Variants in KCTD8 observed in about 807,000 individuals in gnomAD.
KCTD8 encodes BTB/POZ domain-containing protein KCTD8.
KCTD8 carries 27 observed loss-of-function variants against 31.5 expected under a neutral mutation model. That is an observed-to-expected ratio of 0.86 (90% confidence interval 0.63 to 1.18). The LOEUF (loss-of-function observed/expected upper bound fraction) is 1.18, where lower values mean the gene tolerates loss of function less well. Among genes scored for constraint, KCTD8 ranks in the 50% most tolerant of loss-of-function variants. The pLI is 0.00. For missense variants in KCTD8, 658 were observed against 647.7 expected, an observed-to-expected ratio of 1.02 and a Z score of -0.17; for synonymous variants, 290 against 280.0, an observed-to-expected ratio of 1.04 and a Z score of -0.36.
chr4:44,235,571 A>T (rs1451653093), intron 1 of KCTD8, among the ~76,000 whole-genome samples: 22 of 73,750 alleles, frequency 3.0e-4, no homozygotes, highest in African/African-American at 1.3e-3. Flanking sequence ...ATATATATAT[A>T]TATATTTAGA....
intron 1 of KCTD8, among the ~76,000 whole-genome samples, chr4:44,397,044 C>G (rs1333800717): frequency 1.3e-5 from 2 of 152,074 alleles, no homozygotes; most frequent in Non-Finnish European, 2.9e-5. Flanking sequence ...TATGCTGGCT[C>G]CATCTGGACC....
intron 1 of KCTD8, among the ~76,000 whole-genome samples, chr4:44,377,500 A>G (rs1719946400): frequency 6.6e-6 from 1 of 152,194 alleles, no homozygotes; most frequent in African/African-American, 2.4e-5. Flanking sequence ...TGCCTCAAGC[A>G]TAGCCTAAAA....
chr4:44,390,776 G>T (rs1720351422), intron 1 of KCTD8, among the ~76,000 whole-genome samples: 1 of 151,914 alleles, frequency 6.6e-6, no homozygotes, highest in African/African-American at 2.4e-5. Flanking sequence ...GGTAAAATTG[G>T]CATTGATAAT....
intron 1 of KCTD8, among the ~76,000 whole-genome samples, chr4:44,323,993 T>C (rs1372885639): frequency 2.0e-5 from 3 of 148,710 alleles, no homozygotes; most frequent in Admixed American, 6.7e-5. Flanking sequence ...TGTATACATA[T>C]GTAACTAACC....
At chr4:44,340,194 TG>T (rs1274280988) in intron 1 of KCTD8, among the ~76,000 whole-genome samples, 2 of 152,150 alleles carry the variant, frequency 1.3e-5, no homozygotes, top group Non-Finnish European at 2.9e-5. Context: ...ACTCTACTCC[TG>T]GACTTGCCCA....
At chr4:44,246,584 A>G (rs1025448125) in intron 1 of KCTD8, among the ~76,000 whole-genome samples, 8 of 151,924 alleles carry the variant, frequency 5.3e-5, no homozygotes, top group Non-Finnish European at 1.2e-4. Context: ...TTTGGCTCGG[A>G]TTCACTTTCT....
At chr4:44,391,241 T>C (rs1450125557) in intron 1 of KCTD8, among the ~76,000 whole-genome samples, 2 of 151,962 alleles carry the variant, frequency 1.3e-5, no homozygotes, top group African/African-American at 4.8e-5. Flanking sequence ...GCCTGGGTGA[T>C]GGGTGCACCA....
At chr4:44,220,946 A>G (rs761384335) in intron 1 of KCTD8, among the ~76,000 whole-genome samples, 2 of 152,166 alleles carry the variant, frequency 1.3e-5, no homozygotes, top group Non-Finnish European at 2.9e-5. Flanking sequence ...GATGAATTTT[A>G]TACCTAAGAA....
At position 44,406,092 on chromosome 4, in the gene KCTD8, A is replaced by T. The variant is rs147838044; in HGVS notation, c.961+41471T>A. Reference sequence around the variant, plus strand: ...CTTCTTTCTTTATAATATCCTGGACACCCTTTTCCTCTTCCCACAGTGGGG... The same window carrying T: ...CTTCTTTCTTTATAATATCCTGGACTCCCTTTTCCTCTTCCCACAGTGGGG... On this transcript the variant is annotated intron_variant, in intron 1 of 1. Transcript: ENST00000360029. Among the ~76,000 whole-genome samples, 574 of 152,196 alleles carry T rather than the reference A, an allele frequency of 3.8e-3. 2 individuals carry two copies. Among genetic ancestry groups the T allele is most frequent in the African/African-American group, 0.013 (546 of 41,516 alleles).
chr4:44,217,378 A>G (rs1003259374), intron 1 of KCTD8, among the ~76,000 whole-genome samples: 2 of 152,188 alleles, frequency 1.3e-5, no homozygotes, highest in African/African-American at 4.8e-5. Flanking sequence ...AGTGGTCTGT[A>G]GGAAGATTTT....
chr4:44,302,099 C>G (rs1372096062), intron 1 of KCTD8, among the ~76,000 whole-genome samples: 8 of 152,110 alleles, frequency 5.3e-5, no homozygotes, highest in Non-Finnish European at 1.0e-4. Flanking sequence ...GTACCAGTAC[C>G]ATGCTGTTTT....
At chr4:44,401,624 C>T (rs1456276967) in intron 1 of KCTD8, among the ~76,000 whole-genome samples, 1 of 152,162 alleles carries the variant, frequency 6.6e-6, no homozygotes, top group Non-Finnish European at 1.5e-5. Context: ...CTTTACCTTT[C>T]TGAGCCTTGG....
chr4:44,218,486 A>G (rs916471763), intron 1 of KCTD8, among the ~76,000 whole-genome samples: 2 of 151,458 alleles, frequency 1.3e-5, no homozygotes, highest in African/African-American at 4.8e-5. Flanking sequence ...TAAATGCTTG[A>G]GGAGATGGAT....
chr4:44,178,337 T>G (rs1419254564), intron 1 of KCTD8, among the ~76,000 whole-genome samples: 1 of 152,176 alleles, frequency 6.6e-6, no homozygotes, highest in Non-Finnish European at 1.5e-5. Context: ...TGTGAAGGGC[T>G]GGTATGTATG....
chr4:44,230,464 T>C (rs1477223441), intron 1 of KCTD8, among the ~76,000 whole-genome samples: 1 of 152,204 alleles, frequency 6.6e-6, no homozygotes, highest in Non-Finnish European at 1.5e-5. Context: ...AACATGATTG[T>C]GCATCATATA....
chr4:44,436,319 T>C (rs1196263259), intron 1 of KCTD8, among the ~76,000 whole-genome samples: 1 of 152,058 alleles, frequency 6.6e-6, no homozygotes. Flanking sequence ...ACAGGGGACA[T>C]TAATCAGCTC....
chr4:44,258,610 T>C (rs1560408142), intron 1 of KCTD8, among the ~76,000 whole-genome samples: 1 of 151,948 alleles, frequency 6.6e-6, no homozygotes, highest in African/African-American at 2.4e-5. Flanking sequence ...TGCTTACTAT[T>C]AAACATCCTA....
chr4:44,324,584 C>T (rs928161924), intron 1 of KCTD8, among the ~76,000 whole-genome samples: 25 of 152,050 alleles, frequency 1.6e-4, no homozygotes, highest in Admixed American at 2.0e-4. Flanking sequence ...ACATGGTTTT[C>T]GATCTTAAAG....
At position 44,422,579 on chromosome 4, in the gene KCTD8, C is replaced by T. The variant is rs142618098; in HGVS notation, c.961+24984G>A. 3.9e-3 allele frequency among the ~76,000 whole-genome samples: 590 copies of T among 152,030 alleles called. 3 individuals are homozygous for T. Among genetic ancestry groups the T allele is most frequent in the African/African-American group, 0.014 (563 of 41,480 alleles). On this transcript the variant is annotated intron_variant, in intron 1 of 1. Transcript: ENST00000360029. Reference sequence around the variant, plus strand: ...AAATATAAATTAAAACAGAATATAACCCTTAATTGCTTTGAACCATGTGAT... The same window carrying T: ...AAATATAAATTAAAACAGAATATAATCCTTAATTGCTTTGAACCATGTGAT...
Sources: allele counts gnomAD v4.1 joint callset (sites outside exome capture counted in the v4.1 genomes callset), GRCh38; gene constraint gnomAD v4.1.1; transcripts MANE v1.5; gene names NCBI Gene and HGNC (gene_info 2026-07-23, HGNC 2026-07-21).